The following COPG1 variants were observed in gnomAD, a reference collection of about 807,000 sequenced individuals.
COPG1 encodes coat protein complex I subunit gamma 1, also known as coatomer subunit gamma-1.
A neutral mutation model predicts 102.8 loss-of-function variants in COPG1; 29 were observed. That is an observed-to-expected ratio of 0.28 (90% confidence interval 0.21 to 0.38). The LOEUF is 0.38. Among genes scored for constraint, COPG1 ranks in the 10% least tolerant of loss-of-function variants. The probability of loss-of-function intolerance (pLI) is 1.00; values close to 1 mark genes in which losing one functional copy is unlikely to be tolerated. For synonymous variants in COPG1, 406 were observed against 421.6 expected, an observed-to-expected ratio of 0.96 and a Z score of 0.45; for missense variants, 875 against 1,132.7, an observed-to-expected ratio of 0.77 and a Z score of 3.27.
chr3:129,252,198 C>T, intron 2 of COPG1, 83 bp from the exon 3 acceptor site: 1 of 981,010 alleles, frequency 1.0e-6, no homozygotes, highest in Non-Finnish European at 1.6e-6. Context: ...AGTCAGTTTA[C>T]CCTGAGACTT....
At position 129,271,733 on chromosome 3, in the gene COPG1, G is replaced by A. The variant is rs759852111; in HGVS notation, c.1844-34G>A. 12 of 1,610,654 alleles carry A rather than the reference G, an allele frequency of 7.5e-6. No individual in the cohort carries two copies. Among genetic ancestry groups the A allele is most frequent in the African/African-American group, 1.3e-5 (1 of 74,840 alleles). On this transcript the variant is annotated intron_variant, in intron 18 of 23. Coordinates refer to ENST00000314797, the MANE Select transcript of COPG1 (RefSeq NM_016128.4). The surrounding 1 kb of genome is among the most constrained non-coding windows in gnomAD (Gnocchi z 4.7). ...CCATCAACAAGTTGGTCTGGGGATC[G>A]AGAAGCTGAGTGAATGTGGCCTGTG...
At chr3:129,269,155 T>C (rs1231356687) in intron 18 of COPG1, among the ~76,000 whole-genome samples, 155 bp downstream of exon 18, 7 of 152,070 alleles carry the variant, frequency 4.6e-5, no homozygotes. Flanking sequence ...TGGTGGTTGT[T>C]GGGTTCCTTC....
chr3:129,259,089 A>G (rs970262734), intron 10 of COPG1, among the ~76,000 whole-genome samples: 6 of 152,192 alleles, frequency 3.9e-5, no homozygotes, highest in Non-Finnish European at 4.4e-5. Context: ...ATTCTCTACT[A>G]TAACAGTGTA....
At chr3:129,253,161 G>C (rs953744530) in intron 5 of COPG1, 3 of 518,384 alleles carry the variant, frequency 5.8e-6, no homozygotes, top group African/African-American at 5.8e-5. Flanking sequence ...GGACACAAAT[G>C]CTTCCTTTTC....
In COPG1 at chr3:129,272,322, GT is replaced by G; in HGVS notation, c.2066del (p.Val689GlyfsTer39). ...GATGGAGCCCACTGAGGCCTATGAG[GT>G]GCTCTGTTACGTGCCTGCCCGGAGC... ...VQMEPTEAYE[V>X]LCYVPARSLP... is the part of the protein sequence containing the mutation. On this transcript the variant is annotated frameshift_variant, in exon 20 of 24. Coordinates refer to ENST00000314797, the MANE Select transcript of COPG1 (RefSeq NM_016128.4). LOFTEE classifies it high-confidence loss of function. 6.2e-7 allele frequency: 1 copy of G among 1,614,058 alleles called. No homozygotes were observed. Among genetic ancestry groups the G allele is most frequent in the Non-Finnish European group, 8.5e-7 (1 of 1,179,942 alleles).
chr3:129,266,986 G>A, intron 14 of COPG1, 38 bp from the exon 15 acceptor site: 8 of 1,580,962 alleles, frequency 5.1e-6, no homozygotes, highest in Non-Finnish European at 7.0e-6. Context: ...GAGTTGTCAG[G>A]GTGCATTGGG....
At chr3:129,263,014 C>CAAAAAAAA (rs1299713396) in intron 12 of COPG1, among the ~76,000 whole-genome samples, 1 of 54,308 alleles carries the variant, frequency 1.8e-5, no homozygotes, top group African/African-American at 8.2e-5. Flanking sequence ...GACTCCGTCT[C>CAAAAAAAA]AAAAAAAAAA....
rs137947248 is a variant in COPG1 at position 129,265,754 on chromosome 3, A to G, written c.1430A>G (p.Tyr477Cys). The G allele has an allele frequency of 7.4e-6, 12 of 1,614,140 alleles. No homozygotes were observed. Among genetic ancestry groups the G allele is most frequent in the African/African-American group, 2.7e-5 (2 of 75,032 alleles). The change falls in exon 14 of 24, where the codon TAT becomes TGT. Residue 477 changes from tyrosine (Y) to cysteine (C), a missense_variant. Transcript: ENST00000314797. ...TNPSKYIRFI[Y>C]NRVVLEHEEV... is the part of the protein sequence containing the mutation. The stretch of plus-strand genomic sequence containing the variant: ...CCCTCAAAGTACATCCGCTTCATCT[A>G]TAACCGAGTGGTCTTGGAGCATGAG...
rs371731648 is a variant in COPG1, at chr3:129,277,572, A to G, written c.*148A>G. 33 of 592,010 alleles carry G rather than the reference A, an allele frequency of 5.6e-5. 1 individual carries two copies. In the South Asian group the frequency reaches 1.0e-3, roughly 18 times the overall value. 36.7% of individuals were successfully genotyped at this position (592,010 alleles called of 1,614,324 possible). A position where few individuals can be genotyped will look rare whatever the true frequency, so the allele number is the denominator to read the frequency against. The stretch of plus-strand genomic sequence containing the variant: ...GCAGATTTTTTTTTATTCTGCTCCC[A>G]CCTCCCACCCGGGACTACTTGCTGG... On this transcript the variant is annotated 3_prime_UTR_variant, in exon 24 of 24. Transcript: ENST00000314797.
At position 129,264,013 on chromosome 3, in the gene COPG1, G is replaced by A. The variant is rs367993438; in HGVS notation, c.1224+14G>A. The A allele has an allele frequency of 2.5e-6, 4 of 1,607,314 alleles. No homozygotes were observed. The African/African-American group carries it at 5.4e-5, about 22-fold the overall frequency. Reference sequence around the variant, plus strand: ...CTGCGGGAAGAGGTAAGAGTCAGGGGCATTCGGGGGATGCCAGGTCTCCTG... The same window carrying A: ...CTGCGGGAAGAGGTAAGAGTCAGGGACATTCGGGGGATGCCAGGTCTCCTG... On this transcript the variant is annotated intron_variant, in intron 13 of 23. Coordinates refer to ENST00000314797, the MANE Select transcript of COPG1 (RefSeq NM_016128.4).
Position 129,269,561 on chromosome 3 carries a change from C to G in COPG1, c.1843+561C>G, listed in dbSNP as rs898840888. Among the ~76,000 whole-genome samples, 32 of 152,110 alleles carry G rather than the reference C, an allele frequency of 2.1e-4. 1 individual carries two copies. The highest frequency in any genetic ancestry group is 1.5e-5 in the Non-Finnish European group (1 of 68,018). ...CTCTTCTGTCTTCTCTTAAACAGCC[C>G]TCTGTGCTAAATAGTTCTTCACATG... On this transcript the variant is annotated intron_variant, in intron 18 of 23. Coordinates refer to ENST00000314797, the MANE Select transcript of COPG1 (RefSeq NM_016128.4).
chr3:129,269,150 G>A, intron 18 of COPG1, 150 bp downstream of exon 18: 3 of 671,104 alleles, frequency 4.5e-6, no homozygotes, highest in Non-Finnish European at 7.9e-6. Flanking sequence ...TCAGGTGGTG[G>A]TTGTTGGGTT....
intron 20 of COPG1, 38 bp from the exon 21 acceptor site, chr3:129,272,769 T>G (rs1378076719): frequency 5.8e-6 from 8 of 1,375,064 alleles, no homozygotes; most frequent in Non-Finnish European, 1.0e-6. Context: ...CCCTGCAGGC[T>G]GGGGACATCC....
At chr3:129,272,176 T>A in intron 19 of COPG1, 68 bp from the exon 20 acceptor site, 1 of 1,437,662 alleles carries the variant, frequency 7.0e-7, no homozygotes, top group Non-Finnish European at 9.7e-7. Context: ...TGGGACCTCC[T>A]GGCTTTTCCT....
At chr3:129,268,796 C>A (rs1211209259) in intron 17 of COPG1, 136 bp from the exon 18 acceptor site, 3 of 1,079,386 alleles carry the variant, frequency 2.8e-6, no homozygotes, top group African/African-American at 3.1e-5. Context: ...CAGACGTGGG[C>A]TCTCTCACAT....
chr3:129,271,844 G>A lies in COPG1; in HGVS notation c.1921G>A (p.Glu641Lys), dbSNP rs1199837030. ...KSSPEPVALT[E>K]SETEYVIRCT... ...CTCGCCTGAGCCCGTGGCCCTCACC[G>A]AGTCAGAGACGGAGTATGTCATCCG... The change falls in exon 19 of 24, where the codon GAG (glutamate) becomes AAG (lysine). Residue 641 changes from glutamate to lysine, a missense_variant. Coordinates refer to ENST00000314797, the MANE Select transcript of COPG1 (RefSeq NM_016128.4). The surrounding 1 kb of genome is among the most constrained non-coding windows in gnomAD (Gnocchi z 4.7). The A allele has an allele frequency of 1.2e-6, 2 of 1,614,200 alleles. No individual in the cohort carries two copies. Among genetic ancestry groups the A allele is most frequent in the Non-Finnish European group, 8.5e-7 (1 of 1,180,036 alleles).
chr3:129,253,214 A>C, intron 5 of COPG1: 2 of 413,514 alleles, frequency 4.8e-6, no homozygotes. Context: ...AACTTTCCCA[A>C]AGACTTTCTT....
chr3:129,267,078 G>C lies in COPG1; in HGVS notation c.1523G>C (p.Ser508Thr). The C allele has an allele frequency of 6.2e-7, 1 of 1,613,840 alleles. No homozygotes were observed. The highest frequency in any genetic ancestry group is 8.5e-7 in the Non-Finnish European group (1 of 1,179,842). ...GCCCAGAATGAAGAGATGTTACCCA[G>C]TATCTTGGTGTTGCTGAAGAGGTGA... is the stretch of plus-strand genomic sequence containing the variant. The part of the protein sequence containing the change: ...FGAQNEEMLP[S>T]ILVLLKRCVM... Residue 508 changes from serine (S) to threonine (T), a missense_variant, in exon 15 of 24, where the codon AGT (serine) becomes ACT (threonine). Physicochemically the swap from Ser to Thr is moderately conservative, Grantham distance 58. Transcript: ENST00000314797.
At chr3:129,272,075 GA>G in intron 19 of COPG1, 166 bp downstream of exon 19, 1 of 989,850 alleles carries the variant, frequency 1.0e-6, no homozygotes, top group South Asian at 1.6e-5. Flanking sequence ...CTTGACTCGG[GA>G]CATCCATGGC....
Sources: allele counts gnomAD v4.1 joint callset (sites outside exome capture counted in the v4.1 genomes callset), GRCh38; gene constraint gnomAD v4.1.1; non-coding constraint Gnocchi (gnomAD v3.1); transcripts MANE v1.5; gene names NCBI Gene and HGNC (gene_info 2026-07-23, HGNC 2026-07-21).